The following TMEM41B variants were observed in gnomAD, a reference collection of about 807,000 sequenced individuals.
TMEM41B encodes the protein transmembrane protein 41B.
TMEM41B carries 18 observed loss-of-function variants against 31.9 expected under a neutral mutation model. The ratio of observed to expected loss-of-function variants is 0.56; its 90% CI spans 0.39 to 0.84. TMEM41B has a LOEUF of 0.84. Ranked by LOEUF, TMEM41B falls within the 40% of genes least tolerant of loss-of-function variation. The pLI, the probability that TMEM41B is intolerant of heterozygous loss-of-function variation, is 0.00. For missense variants in TMEM41B, 322 were observed against 348.0 expected, an observed-to-expected ratio of 0.93 and a Z score of 0.59; for synonymous variants, 144 against 124.3, an observed-to-expected ratio of 1.16 and a Z score of -1.05.
chr11:9,293,175 C>T (rs549739164), intron 3 of TMEM41B, among the ~76,000 whole-genome samples: 2 of 151,720 alleles, frequency 1.3e-5, no homozygotes, highest in East Asian at 2.0e-4. Context: ...CTAAATGCTT[C>T]GCTGTAGCCT....
chr11:9,299,791 G>T, intron 1 of TMEM41B, 90 bp from the exon 2 acceptor site: 1 of 990,438 alleles, frequency 1.0e-6, no homozygotes, highest in South Asian at 1.4e-5. Context: ...TCCAGAAAAT[G>T]GCGTGTGCTT....
intron 1 of TMEM41B, among the ~76,000 whole-genome samples, chr11:9,301,108 C>T (rs1432658931): frequency 6.6e-6 from 1 of 151,878 alleles, no homozygotes; most frequent in Admixed American, 6.6e-5. Context: ...AATATGTATA[C>T]TATATGGCCC....
intron 6 of TMEM41B, among the ~76,000 whole-genome samples, chr11:9,284,868 AATG>A (rs1852801317): frequency 6.6e-6 from 1 of 152,140 alleles, no homozygotes; most frequent in Non-Finnish European, 1.5e-5. Flanking sequence ...GTACATAGAG[AATG>A]ATGACATTTC....
intron 6 of TMEM41B, among the ~76,000 whole-genome samples, chr11:9,285,812 C>CAA (rs59531093): frequency 1.6e-3 from 111 of 70,626 alleles, no homozygotes; most frequent in African/African-American, 3.5e-3. Context: ...GCAACATTTA[C>CAA]AAAAAAAAAA....
In TMEM41B at chr11:9,283,391, A is replaced by G. The variant is rs756916177; in HGVS notation, c.*33T>C. ...TGCACCTGTTAATCCTGAGATGGTG[A>G]TGACAGCAAAACTAAAAATCAGATG... On this transcript the variant is annotated 3_prime_UTR_variant, in exon 7 of 7. Coordinates refer to ENST00000528080, the MANE Select transcript of TMEM41B (RefSeq NM_015012.4). The G allele has an allele frequency of 1.9e-6, 3 of 1,559,044 alleles. No individual in the cohort carries two copies. In the East Asian group the frequency reaches 6.9e-5, roughly 36 times the overall value.
chr11:9,290,144 T>G (rs1852921925), intron 3 of TMEM41B, among the ~76,000 whole-genome samples: 3 of 151,402 alleles, frequency 2.0e-5, no homozygotes. Context: ...ACTTAGGGAG[T>G]CTGAGGCAGG....
intron 2 of TMEM41B, among the ~76,000 whole-genome samples, chr11:9,297,587 G>C (rs1248267465): frequency 2.6e-5 from 4 of 152,094 alleles, no homozygotes; most frequent in Non-Finnish European, 5.9e-5. Context: ...AACTACTTGG[G>C]AGCCTGAGGC....
Position 9,295,318 on chromosome 11 carries a change from G to A in TMEM41B, c.309C>T (p.Ser103=), listed in dbSNP as rs200364516. The part of the protein sequence containing the change: ...DDAKALGKVL[S]KYKDTFYVQV... Reference sequence around the variant, plus strand: ...GAACATAAAAGGTGTCCTTGTATTTGGATAAAACTTTTCCTAGAGCCTTGG... The same window carrying A: ...GAACATAAAAGGTGTCCTTGTATTTAGATAAAACTTTTCCTAGAGCCTTGG... Residue 103 remains serine (S), a synonymous_variant, in exon 3 of 7, where the codon TCC becomes TCT. Coordinates refer to ENST00000528080, the MANE Select transcript of TMEM41B (RefSeq NM_015012.4). 2.1e-5 allele frequency: 33 copies of A among 1,597,992 alleles called. No individual in the cohort carries two copies. The highest frequency in any genetic ancestry group is 5.4e-5 in the African/African-American group (4 of 74,554).
In TMEM41B at chr11:9,314,498, CTG is replaced by C. The variant is rs1411941757; in HGVS notation, c.-59_-58del. On this transcript the variant is annotated 5_prime_UTR_variant, in exon 1 of 7. Coordinates refer to ENST00000528080, the MANE Select transcript of TMEM41B (RefSeq NM_015012.4). ...GCCGCGCCCCCTAAACAACAAAACT[CTG>C]TTGCAGGCTCCTTACTACGCCGAAG... 2 of 1,501,982 alleles carry C rather than the reference CTG, an allele frequency of 1.3e-6. No individual in the cohort carries two copies. Among genetic ancestry groups the C allele is most frequent in the Non-Finnish European group, 1.8e-6 (2 of 1,120,454 alleles). The allele number at this position is 1,501,982 out of a possible 1,614,324, so 93.0% of individuals were successfully genotyped here.
At position 9,303,076 on chromosome 11, in the gene TMEM41B, G is replaced by A. The variant is rs1470991172; in HGVS notation, c.122-3375C>T. 1.1e-4 allele frequency among the ~76,000 whole-genome samples: 14 copies of A among 122,188 alleles called. 5 individuals are homozygous for A. Among genetic ancestry groups the A allele is most frequent in the Non-Finnish European group, 1.8e-5 (1 of 57,032 alleles). 80.2% of individuals were successfully genotyped at this position (122,188 alleles called of 152,430 possible). A position where few individuals can be genotyped will look rare whatever the true frequency, so the allele number is the denominator to read the frequency against. On this transcript the variant is annotated intron_variant, in intron 1 of 6. Transcript: ENST00000528080. ...CTGTTGCCCAGGCTGGACTGCAGTGGCACGATCTCGGCTCACTGCAACCTC... is the reference window on the plus strand; with the variant it reads ...CTGTTGCCCAGGCTGGACTGCAGTGACACGATCTCGGCTCACTGCAACCTC...
intron 1 of TMEM41B, among the ~76,000 whole-genome samples, chr11:9,313,650 C>A (rs1440192170): frequency 1.3e-5 from 2 of 152,152 alleles, no homozygotes; most frequent in Non-Finnish European, 2.9e-5. Flanking sequence ...GAATGAGTGA[C>A]CTTAGCTGTA....
At chr11:9,285,986 G>A (rs1206114427) in intron 6 of TMEM41B, among the ~76,000 whole-genome samples, 4 of 151,452 alleles carry the variant, frequency 2.6e-5, no homozygotes, top group African/African-American at 9.8e-5. Context: ...GTGGTGGCGT[G>A]TGCCTGCAGT....
At chr11:9,310,021 AG>A (rs1433961268) in intron 1 of TMEM41B, among the ~76,000 whole-genome samples, 1 of 151,542 alleles carries the variant, frequency 6.6e-6, no homozygotes, top group Non-Finnish European at 1.5e-5. Context: ...TTGTGTTCCA[AG>A]TAATGTATTA....
At chr11:9,297,065 G>A (rs1853112126) in intron 2 of TMEM41B, among the ~76,000 whole-genome samples, 1 of 152,104 alleles carries the variant, frequency 6.6e-6, no homozygotes, top group Non-Finnish European at 1.5e-5. Context: ...TGGGACTGCA[G>A]GCACGTGCCA....
In TMEM41B at chr11:9,303,415, T is replaced by C. The variant is rs569706167; in HGVS notation, c.122-3714A>G. On this transcript the variant is annotated intron_variant, in intron 1 of 6. Transcript: ENST00000528080. ...TCGGCCTACCAAAGTGCAGGGATTATAGGCGTGAATGAGTGTGCCCAGTCT... is the reference window on the plus strand; with the variant it reads ...TCGGCCTACCAAAGTGCAGGGATTACAGGCGTGAATGAGTGTGCCCAGTCT... 1.4e-4 allele frequency among the ~76,000 whole-genome samples: 22 copies of C among 152,134 alleles called. No individual in the cohort carries two copies. The South Asian group carries it at 4.6e-3, about 32-fold the overall frequency.
At chr11:9,297,607 G>A (rs963148818) in intron 2 of TMEM41B, among the ~76,000 whole-genome samples, 9 of 152,162 alleles carry the variant, frequency 5.9e-5, no homozygotes, top group East Asian at 3.9e-4. Flanking sequence ...CAGGAGAATC[G>A]CTTGAACTGG....
At chr11:9,295,891 C>CT (rs1853073996) in intron 2 of TMEM41B, among the ~76,000 whole-genome samples, 1 of 151,656 alleles carries the variant, frequency 6.6e-6, no homozygotes, top group Admixed American at 6.6e-5. Flanking sequence ...CAGTCTCACT[C>CT]TGTTGCCCAG....
intron 1 of TMEM41B, among the ~76,000 whole-genome samples, chr11:9,310,428 T>G (rs187373255): frequency 2.0e-5 from 3 of 152,160 alleles, no homozygotes; most frequent in Non-Finnish European, 4.4e-5. Context: ...AGCACTGATA[T>G]TTTCTCTTCT....
intron 3 of TMEM41B, among the ~76,000 whole-genome samples, chr11:9,291,307 G>C (rs968887385): frequency 2.0e-5 from 3 of 151,828 alleles, no homozygotes. Context: ...GCTTGAACTC[G>C]GGCAGCGGAG....
Sources: allele counts gnomAD v4.1 joint callset (sites outside exome capture counted in the v4.1 genomes callset), GRCh38; gene constraint gnomAD v4.1.1; transcripts MANE v1.5; gene names NCBI Gene and HGNC (gene_info 2026-07-23, HGNC 2026-07-21).